Variants in GALNT13 observed in about 807,000 individuals in gnomAD.
The protein encoded by GALNT13 is UDP-GalNAc:polypeptide N-acetylgalactosaminyltransferase 13.
Under a neutral mutation model 64.2 loss-of-function variants are expected in GALNT13, and 28 were observed. The ratio of observed to expected loss-of-function variants is 0.44; its 90% CI spans 0.32 to 0.60. The LOEUF (loss-of-function observed/expected upper bound fraction) is 0.60, where lower values mean the gene tolerates loss of function less well. Among genes scored for constraint, GALNT13 ranks in the 20% least tolerant of loss-of-function variants. The pLI, the probability that GALNT13 is intolerant of heterozygous loss-of-function variation, is 0.05. For synonymous variants in GALNT13, 214 were observed against 224.6 expected, an observed-to-expected ratio of 0.95 and a Z score of 0.42; for missense variants, 577 against 669.8, an observed-to-expected ratio of 0.86 and a Z score of 1.53.
the GALNT13 span, among the ~76,000 whole-genome samples, chr2:153,642,374 A>T: frequency 6.6e-6 from 1 of 151,862 alleles, no homozygotes; most frequent in Non-Finnish European, 1.5e-5. Context: ...GACATTTAAT[A>T]TATAAGAACA....
At chr2:153,745,701 G>A in the GALNT13 span, among the ~76,000 whole-genome samples, 1 of 152,074 alleles carries the variant, frequency 6.6e-6, no homozygotes, top group Non-Finnish European at 1.5e-5. Context: ...TAATTCGTTT[G>A]TTTGAAGCTC....
chr2:153,956,858 G>T (rs1020799018), intron 3 of GALNT13, among the ~76,000 whole-genome samples: 1 of 151,868 alleles, frequency 6.6e-6, no homozygotes, highest in Non-Finnish European at 1.5e-5. Context: ...CACATAATAC[G>T]CTCACTATTT....
intron 9 of GALNT13, among the ~76,000 whole-genome samples, chr2:154,354,690 T>C (rs1436272336): frequency 6.6e-6 from 1 of 152,034 alleles, no homozygotes; most frequent in Non-Finnish European, 1.5e-5. Context: ...TTTTCCCCAT[T>C]GTGTTCTCTT....
the GALNT13 span, among the ~76,000 whole-genome samples, chr2:153,734,970 C>T: frequency 3.3e-5 from 5 of 152,132 alleles, no homozygotes; most frequent in African/African-American, 1.2e-4. Context: ...TACCTGACAA[C>T]GTAGCCTTGA....
intron 3 of GALNT13, among the ~76,000 whole-genome samples, chr2:154,113,404 A>T (rs1360114574): frequency 6.6e-6 from 1 of 152,248 alleles, no homozygotes; most frequent in Non-Finnish European, 1.5e-5. Context: ...CACTTGATAA[A>T]TGGCCCAGAG....
At chr2:153,360,190 C>T in the GALNT13 span, among the ~76,000 whole-genome samples, 1 of 152,164 alleles carries the variant, frequency 6.6e-6, no homozygotes, top group Non-Finnish European at 1.5e-5. Flanking sequence ...CCACATGGGG[C>T]AGGGGAGCCC....
the GALNT13 span, among the ~76,000 whole-genome samples, chr2:153,389,182 C>T: frequency 6.6e-6 from 1 of 152,074 alleles, no homozygotes; most frequent in Non-Finnish European, 1.5e-5. Context: ...GCTGTGTCTT[C>T]CCTGTTACTA....
intron 1 of GALNT13, among the ~76,000 whole-genome samples, chr2:153,872,629 GGGGGGA>G (rs1558826695): frequency 7.6e-5 from 5 of 65,384 alleles, no homozygotes; most frequent in African/African-American, 2.0e-4. Context: ...CGGGGGGGGG[GGGGGGA>G]GCGGCTCTGG....
intron 3 of GALNT13, among the ~76,000 whole-genome samples, chr2:154,138,979 T>A (rs1683106036): frequency 6.6e-6 from 1 of 152,134 alleles, no homozygotes; most frequent in African/African-American, 2.4e-5. Context: ...GACAACTTTT[T>A]AAATAGTTTG....
chr2:153,635,443 C>CATATATATGTATATGTATATAT, the GALNT13 span, among the ~76,000 whole-genome samples: 18 of 144,522 alleles, frequency 1.2e-4, 1 homozygote, highest in African/African-American at 4.6e-4. Flanking sequence ...TATATATACA[C>CATATATATGTATATGTATATAT]ACATATATAT....
chr2:153,753,180 C>T, the GALNT13 span, among the ~76,000 whole-genome samples: 1 of 152,110 alleles, frequency 6.6e-6, no homozygotes, highest in Non-Finnish European at 1.5e-5. Context: ...GTTTCCTCAA[C>T]ACAAGTATCT....
intron 8 of GALNT13, among the ~76,000 whole-genome samples, chr2:154,283,405 A>G (rs1306809485): frequency 6.6e-6 from 1 of 152,018 alleles, no homozygotes; most frequent in African/African-American, 2.4e-5. Context: ...ATCAATATTA[A>G]TAGATCAATG....
chr2:154,207,237 T>C (rs914117671), intron 4 of GALNT13, among the ~76,000 whole-genome samples: 3 of 152,160 alleles, frequency 2.0e-5, no homozygotes, highest in African/African-American at 7.2e-5. Context: ...ATGCCTCCCC[T>C]ACCTCCTGCT....
chr2:153,520,279 C>A, the GALNT13 span, among the ~76,000 whole-genome samples: 1 of 152,108 alleles, frequency 6.6e-6, no homozygotes, highest in Non-Finnish European at 1.5e-5. Flanking sequence ...ATAATACAAA[C>A]ACTAAGCAAT....
At chr2:154,212,490 C>T (rs931716571) in intron 4 of GALNT13, among the ~76,000 whole-genome samples, 5 of 152,100 alleles carry the variant, frequency 3.3e-5, no homozygotes, top group Non-Finnish European at 5.9e-5. Flanking sequence ...ATGATCCACC[C>T]GCCTCAGCCT....
chr2:153,838,836 G>A, the GALNT13 span, among the ~76,000 whole-genome samples: 6 of 151,910 alleles, frequency 3.9e-5, no homozygotes, highest in East Asian at 1.2e-3. Flanking sequence ...TTGAAGTTTT[G>A]ATAGAGATTG....
At chr2:153,862,824 T>C in the GALNT13 span, among the ~76,000 whole-genome samples, 1 of 152,114 alleles carries the variant, frequency 6.6e-6, no homozygotes, top group Non-Finnish European at 1.5e-5. Context: ...AAAATTCTAA[T>C]ATGTTATATG....
At chr2:153,408,774 G>A in the GALNT13 span, among the ~76,000 whole-genome samples, 3 of 152,062 alleles carry the variant, frequency 2.0e-5, no homozygotes, top group Non-Finnish European at 4.4e-5. Flanking sequence ...TTAATATTGA[G>A]TGTTAACTTT....
chr2:153,380,812 T>C, the GALNT13 span, among the ~76,000 whole-genome samples: 1 of 152,200 alleles, frequency 6.6e-6, no homozygotes, highest in Non-Finnish European at 1.5e-5. Flanking sequence ...TTATTTTATA[T>C]ATTGTATTTT....
Sources: gnomAD v4.1 joint callset for allele counts (sites outside exome capture counted in the v4.1 genomes callset) on GRCh38, gnomAD v4.1.1 for gene constraint, MANE v1.5 for transcripts, NCBI Gene and HGNC (gene_info 2026-07-23, HGNC 2026-07-21) for gene names.